KCNN4: variants seen among roughly 807,000 people sequenced by gnomAD.
KCNN4 encodes potassium calcium-activated channel subfamily N member 4.
KCNN4 carries 31 observed loss-of-function variants against 45.2 expected under a neutral mutation model. That is an observed-to-expected ratio of 0.69 (90% CI 0.52 to 0.92). KCNN4 has a LOEUF of 0.92. KCNN4 is among the 40% of genes least tolerant of loss of function. The pLI is 0.00. For synonymous variants in KCNN4, 231 were observed against 254.6 expected, an observed-to-expected ratio of 0.91 and a Z score of 0.88; for missense variants, 463 against 574.0, an observed-to-expected ratio of 0.81 and a Z score of 1.98.
chr19:43,774,123 G>A lies in KCNN4; in HGVS notation c.683+69C>T. The A allele has an allele frequency of 2.0e-6, 3 of 1,482,776 alleles. No homozygotes were observed. Among genetic ancestry groups the A allele is most frequent in the South Asian group, 1.3e-5 (1 of 76,166 alleles). 91.9% of individuals were successfully genotyped at this position (1,482,776 alleles called of 1,614,324 possible). On this transcript the variant is annotated intron_variant, in intron 3 of 8. Transcript: ENST00000648319. The surrounding 1 kb of genome is among the most constrained non-coding windows in gnomAD (Gnocchi z 5.6). Reference sequence around the variant, plus strand: ...GTCCTAGGGGGCCTCAACCTGCACCGCGGCACAGGACGGCCGCCGTGGCTG... The same window carrying A: ...GTCCTAGGGGGCCTCAACCTGCACCACGGCACAGGACGGCCGCCGTGGCTG...
At chr19:43,767,492 G>T in intron 8 of KCNN4, 48 bp downstream of exon 8, 1 of 1,589,340 alleles carries the variant, frequency 6.3e-7, no homozygotes. Context: ...CTGGCCACAG[G>T]AACCCTTCCT....
chr19:43,772,257 T>C lies in KCNN4; in HGVS notation c.684-122A>G, dbSNP rs530330492. On this transcript the variant is annotated intron_variant, in intron 3 of 8. Coordinates refer to ENST00000648319, the MANE Select transcript of KCNN4 (RefSeq NM_002250.3). The surrounding 1 kb of genome is among the most constrained non-coding windows in gnomAD (Gnocchi z 4.4). The stretch of plus-strand genomic sequence containing the variant: ...GGTTCCCTCCCTTCCCCTCCCAGTA[T>C]ACACCCATAGTCCTAAGAATCACCT... The C allele has an allele frequency of 4.3e-5, 46 of 1,063,560 alleles. No homozygotes were observed. The African/African-American group carries it at 6.0e-4, about 14-fold the overall frequency. 65.9% of individuals were successfully genotyped at this position (1,063,560 alleles called of 1,614,324 possible).
chr19:43,779,106 CTG>C (rs1969898155), intron 1 of KCNN4, among the ~76,000 whole-genome samples: 1 of 152,154 alleles, frequency 6.6e-6, no homozygotes, highest in Non-Finnish European at 1.5e-5. Context: ...GATGGGGAAA[CTG>C]AGGTTCAGAG....
intron 4 of KCNN4, among the ~76,000 whole-genome samples, chr19:43,770,811 C>G (rs1310480103): frequency 6.6e-6 from 1 of 152,196 alleles, no homozygotes; most frequent in Non-Finnish European, 1.5e-5. Flanking sequence ...CTTCCAGGAG[C>G]AGGCTGTGAG....
chr19:43,778,880 G>A (rs1223912757), intron 1 of KCNN4, among the ~76,000 whole-genome samples: 1 of 152,124 alleles, frequency 6.6e-6, no homozygotes, highest in Non-Finnish European at 1.5e-5. Flanking sequence ...TGGAGGTGGT[G>A]AGGGGCGGTG....
chr19:43,769,130 C>G lies in KCNN4; in HGVS notation c.1050-98G>C. The G allele has an allele frequency of 1.5e-6, 2 of 1,338,058 alleles. No individual in the cohort carries two copies. The highest frequency in any genetic ancestry group is 2.1e-6 in the Non-Finnish European group (2 of 931,360). The allele number at this position is 1,338,058 out of a possible 1,614,324, so 82.9% of individuals were successfully genotyped here. On this transcript the variant is annotated intron_variant, in intron 6 of 8. Coordinates refer to ENST00000648319, the MANE Select transcript of KCNN4 (RefSeq NM_002250.3). This position sits in a 1 kb window ranked among gnomAD's most constrained non-coding sequence, Gnocchi z 4.4. ...AAGGGAGGAGAGGCACATGAAGAAACAAAACAAAGAAACAAAGTTGTCGAA... is the reference window on the plus strand; with the variant it reads ...AAGGGAGGAGAGGCACATGAAGAAAGAAAACAAAGAAACAAAGTTGTCGAA...
At chr19:43,778,518 C>T (rs765436137) in intron 1 of KCNN4, among the ~76,000 whole-genome samples, 1 of 152,220 alleles carries the variant, frequency 6.6e-6, no homozygotes. Context: ...GGATTACAGG[C>T]GTGAGCCACC....
Position 43,774,343 on chromosome 19 carries a change from A to G in KCNN4, c.532T>C (p.Ser178Pro), listed in dbSNP as rs1233799650. ...LLRSGVLLNA[S>P]YRSIGALNQV... ...TTGAGAGCGCCGATGCTGCGGTAGG[A>G]AGCGTTGAGCAGGACGCCGCTGCGC... The change falls in exon 3 of 9, where the codon TCC (serine) becomes CCC (proline). Residue 178 changes from serine (S) to proline (P), a missense_variant. Ser to Pro is a moderately conservative substitution (Grantham distance 74). Transcript: ENST00000648319. The surrounding 1 kb of genome is among the most constrained non-coding windows in gnomAD (Gnocchi z 5.6). The G allele has an allele frequency of 2.5e-6, 4 of 1,610,596 alleles. No individual in the cohort carries two copies. The highest frequency in any genetic ancestry group is 3.4e-6 in the Non-Finnish European group (4 of 1,178,514).
rs1969571487 is a variant in KCNN4, at chr19:43,769,310, C to CGTGTTGAGTGAG, written c.1049+131_1049+132insCTCACTCAACAC. 5.3e-6 allele frequency: 4 copies of CGTGTTGAGTGAG among 760,730 alleles called. No homozygotes were observed. Among genetic ancestry groups the CGTGTTGAGTGAG allele is most frequent in the Non-Finnish European group, 9.1e-6 (4 of 438,414 alleles). The allele number at this position is 760,730 out of a possible 1,614,324, so 47.1% of individuals were successfully genotyped here. On this transcript the variant is annotated intron_variant, in intron 6 of 8. Transcript: ENST00000648319. This position sits in a 1 kb window ranked among gnomAD's most constrained non-coding sequence, Gnocchi z 4.4. Reference sequence around the variant, plus strand: ...ATGCACGGTCAGATCCAGGTGAGACCTGGATGTTGAGTGAGACCACACCTG... The same window carrying CGTGTTGAGTGAG: ...ATGCACGGTCAGATCCAGGTGAGACCGTGTTGAGTGAGTGGATGTTGAGTGAGACCACACCTG...
At chr19:43,780,144 G>T (rs536827017) in intron 1 of KCNN4, among the ~76,000 whole-genome samples, 2 of 152,168 alleles carry the variant, frequency 1.3e-5, no homozygotes, top group East Asian at 1.9e-4. Context: ...TTGGCTCTTG[G>T]GGGGCTTGAG....
chr19:43,768,841 C>T (rs998230747), intron 7 of KCNN4, 122 bp downstream of exon 7: 1 of 860,492 alleles, frequency 1.2e-6, no homozygotes, highest in Admixed American at 1.9e-5. Flanking sequence ...AACCACAGAC[C>T]TTTACTGACA....
At chr19:43,771,135 C>A (rs1208417532) in intron 4 of KCNN4, among the ~76,000 whole-genome samples, 1 of 151,900 alleles carries the variant, frequency 6.6e-6, no homozygotes, top group Admixed American at 6.6e-5. Context: ...TAGAGGGGGC[C>A]AGGGCTGGGT....
chr19:43,767,391 C>A, intron 8 of KCNN4, 149 bp downstream of exon 8: 1 of 984,428 alleles, frequency 1.0e-6, no homozygotes, highest in Non-Finnish European at 1.5e-6. Flanking sequence ...CAGCCCCGAA[C>A]TGAGTCCTTT....
intron 3 of KCNN4, among the ~76,000 whole-genome samples, chr19:43,773,789 C>T (rs1028281411): frequency 3.3e-5 from 5 of 152,324 alleles, no homozygotes; most frequent in Middle Eastern, 3.4e-3. Context: ...CACCTACCTA[C>T]AGTGCATTCC....
chr19:43,774,743 G>A lies in KCNN4; in HGVS notation c.256-124C>T. 1.3e-6 allele frequency: 1 copy of A among 755,482 alleles called. No homozygotes were observed. Among genetic ancestry groups the A allele is most frequent in the Non-Finnish European group, 2.0e-6 (1 of 503,398 alleles). The allele number at this position is 755,482 out of a possible 1,614,324, so 46.8% of individuals were successfully genotyped here. A position where few individuals can be genotyped will look rare whatever the true frequency, so the allele number is the denominator to read the frequency against. ...GCCGCCTGGCCAGGAGGGAGGGAGT[G>A]CAGGGCGGGAGAGGGATAGGGAGGG... On this transcript the variant is annotated intron_variant, in intron 2 of 8. Coordinates refer to ENST00000648319, the MANE Select transcript of KCNN4 (RefSeq NM_002250.3). The surrounding 1 kb of genome is among the most constrained non-coding windows in gnomAD (Gnocchi z 5.6).
At position 43,780,934 on chromosome 19, in the gene KCNN4, C is replaced by T. The variant is rs1258183632; in HGVS notation, c.-73G>A. On this transcript the variant is annotated 5_prime_UTR_variant, in exon 1 of 9. Transcript: ENST00000648319. ...CACCTCGCAGCACGCACAGGGCAGC[C>T]ACTGTGGCTTGCAGGTCGTCAGCCT... 6.7e-7 allele frequency: 1 copy of T among 1,503,700 alleles called. No homozygotes were observed. Among genetic ancestry groups the T allele is most frequent in the Non-Finnish European group, 9.1e-7 (1 of 1,093,672 alleles). The allele number at this position is 1,503,700 out of a possible 1,614,324, so 93.1% of individuals were successfully genotyped here.
Position 43,780,967 on chromosome 19 carries a change from T to A in KCNN4, c.-106A>T. On this transcript the variant is annotated 5_prime_UTR_variant, in exon 1 of 9. Coordinates refer to ENST00000648319, the MANE Select transcript of KCNN4 (RefSeq NM_002250.3). ...CTTGCAGGTCGTCAGCCTGCTCTGC[T>A]GGCTCTGGGACTTTTGCTCTGAGGC... 7.0e-6 allele frequency: 8 copies of A among 1,149,170 alleles called. No individual in the cohort carries two copies. The highest frequency in any genetic ancestry group is 2.8e-4 in the Middle Eastern group (1 of 3,578). The allele number at this position is 1,149,170 out of a possible 1,614,324, so 71.2% of individuals were successfully genotyped here. A position where few individuals can be genotyped will look rare whatever the true frequency, so the allele number is the denominator to read the frequency against.
rs11881509 is a variant in KCNN4 at position 43,780,463 on chromosome 19, C to T, written c.159+240G>A. On this transcript the variant is annotated intron_variant, in intron 1 of 8. Coordinates refer to ENST00000648319, the MANE Select transcript of KCNN4 (RefSeq NM_002250.3). ...CAGACCCAGGAGTCCTGACCCCCAG[C>T]CCCTCCTCCCTCAGACCCAGGAGTC... Among the ~76,000 whole-genome samples, 348 of 83,550 alleles carry T rather than the reference C, an allele frequency of 4.2e-3. 12 individuals are homozygous for T. Among genetic ancestry groups the T allele is most frequent in the African/African-American group, 0.015 (284 of 19,222 alleles). The allele number at this position is 83,550 out of a possible 152,430, so 54.8% of individuals were successfully genotyped here.
At position 43,776,850 on chromosome 19, in the gene KCNN4, C is replaced by T. The variant is rs189920181; in HGVS notation, c.160-214G>A. ...CGGTGGCTCACACCTGTAATCCCAACACTCTGGGAGGCTGAGGCAGGTGGA... is the reference window on the plus strand; with the variant it reads ...CGGTGGCTCACACCTGTAATCCCAATACTCTGGGAGGCTGAGGCAGGTGGA... On this transcript the variant is annotated intron_variant, in intron 1 of 8. Coordinates refer to ENST00000648319, the MANE Select transcript of KCNN4 (RefSeq NM_002250.3). 6 of 528,946 alleles carry T rather than the reference C, an allele frequency of 1.1e-5. No homozygotes were observed. In the African/African-American group the frequency reaches 1.1e-4, roughly 10 times the overall value. 32.8% of individuals were successfully genotyped at this position (528,946 alleles called of 1,614,324 possible). A position where few individuals can be genotyped will look rare whatever the true frequency, so the allele number is the denominator to read the frequency against.
Sources: gnomAD v4.1 joint callset for allele counts (sites outside exome capture counted in the v4.1 genomes callset) on GRCh38, gnomAD v4.1.1 for gene constraint, Gnocchi (gnomAD v3.1) non-coding constraint, MANE v1.5 for transcripts, NCBI Gene and HGNC (gene_info 2026-07-23, HGNC 2026-07-21) for gene names.